Variants in CADM3 observed in about 807,000 individuals in gnomAD.
CADM3 encodes the protein cell adhesion molecule 3.
CADM3 carries 11 observed loss-of-function variants against 44.9 expected under a neutral mutation model. That is an observed-to-expected ratio of 0.25 (90% CI 0.15 to 0.41). The LOEUF (loss-of-function observed/expected upper bound fraction) is 0.41. Among genes scored for constraint, CADM3 ranks in the 10% least tolerant of loss-of-function variants. CADM3 has a pLI of 1.00. For synonymous variants in CADM3, 207 were observed against 205.2 expected, an observed-to-expected ratio of 1.01 and a Z score of -0.08; for missense variants, 426 against 512.0, an observed-to-expected ratio of 0.83 and a Z score of 1.62.
chr1:159,192,179 A>T lies in CADM3; in HGVS notation c.229+103A>T, dbSNP rs1023656342. 7 of 1,265,100 alleles carry T rather than the reference A, an allele frequency of 5.5e-6. No individual in the cohort carries two copies. The African/African-American group carries it at 8.9e-5, about 16-fold the overall frequency. The allele number at this position is 1,265,100 out of a possible 1,614,324, so 78.4% of individuals were successfully genotyped here. A position where few individuals can be genotyped will look rare whatever the true frequency, so the allele number is the denominator to read the frequency against. On this transcript the variant is annotated intron_variant, in intron 2 of 8. Transcript: ENST00000368125. Reference sequence around the variant, plus strand: ...TCCTGTCATCCAGAGGCTGAGAAACATGGTGGTCTGCTGTTTGAGGATGTA... The same window carrying T: ...TCCTGTCATCCAGAGGCTGAGAAACTTGGTGGTCTGCTGTTTGAGGATGTA...
At chr1:159,192,489 C>G in intron 2 of CADM3, 89 bp from the exon 3 acceptor site, 1 of 1,520,566 alleles carries the variant, frequency 6.6e-7, no homozygotes, top group Admixed American at 1.7e-5. Flanking sequence ...TACTAGACCC[C>G]TTCCCCCAAA....
intron 3 of CADM3, 47 bp downstream of exon 3, chr1:159,192,777 A>G (rs1395851554): frequency 7.0e-6 from 11 of 1,582,412 alleles, no homozygotes; most frequent in African/African-American, 2.7e-5. Flanking sequence ...TTCCTTGCAA[A>G]CAAACCTCCC....
intron 1 of CADM3, among the ~76,000 whole-genome samples, chr1:159,176,451 G>C (rs1649019366): frequency 6.6e-6 from 1 of 152,132 alleles, no homozygotes; most frequent in South Asian, 2.1e-4. Flanking sequence ...AAGGACCCTG[G>C]AGAAGCAAGC....
At chr1:159,174,740 C>A (rs1200775685) in intron 1 of CADM3, among the ~76,000 whole-genome samples, 1 of 152,210 alleles carries the variant, frequency 6.6e-6, no homozygotes, top group Non-Finnish European at 1.5e-5. Flanking sequence ...TTCCTTCTCA[C>A]ATTTCCCCAC....
At chr1:159,196,514 C>A in intron 6 of CADM3, 60 bp downstream of exon 6, 2 of 1,325,986 alleles carry the variant, frequency 1.5e-6, no homozygotes, top group Non-Finnish European at 2.2e-6. Flanking sequence ...TTGCCTTCTT[C>A]ACATAACAGC....
chr1:159,197,385 C>G, intron 7 of CADM3: 1 of 231,598 alleles, frequency 4.3e-6, no homozygotes, highest in South Asian at 9.1e-5. Context: ...CAAAGCCTCT[C>G]AAGTGCAGGC....
chr1:159,194,185 AG>A lies in CADM3; in HGVS notation c.691+148del, dbSNP rs962789553. On this transcript the variant is annotated intron_variant, in intron 5 of 8. Coordinates refer to ENST00000368125, the MANE Select transcript of CADM3 (RefSeq NM_001127173.3). ...AAACAAAGACTGCCAGGACTAGGCC[AG>A]GGTTGGCAAACTCTTTACAGAGGGC... The A allele has an allele frequency of 1.8e-4, 156 of 853,008 alleles. 2 individuals carry two copies. The African/African-American group carries it at 2.2e-3, about 12-fold the overall frequency. The allele number at this position is 853,008 out of a possible 1,614,324, so 52.8% of individuals were successfully genotyped here.
chr1:159,186,243 C>T (rs996937693), intron 1 of CADM3, among the ~76,000 whole-genome samples: 22 of 152,142 alleles, frequency 1.4e-4, no homozygotes, highest in East Asian at 7.7e-4. Flanking sequence ...AAATGAAGCT[C>T]GGCATCAGAC....
chr1:159,178,542 G>T (rs1649111728), intron 1 of CADM3: 1 of 152,158 alleles, frequency 6.6e-6, no homozygotes, highest in South Asian at 2.1e-4. Flanking sequence ...GGTTAGGCCT[G>T]GTTAGTACAT....
intron 5 of CADM3, chr1:159,195,984 G>C (rs939709565): frequency 5.9e-6 from 1 of 170,470 alleles, no homozygotes; most frequent in African/African-American, 2.4e-5. Context: ...GAACTGAGAA[G>C]TTGTGAGCTC....
At position 159,187,964 on chromosome 1, in the gene CADM3, C is replaced by G. The variant is rs556279940; in HGVS notation, c.89-3972C>G. Among the ~76,000 whole-genome samples, 3 of 151,906 alleles carry G rather than the reference C, an allele frequency of 2.0e-5. No homozygotes were observed. In the South Asian group the frequency reaches 6.3e-4, roughly 32 times the overall value. On this transcript the variant is annotated intron_variant, in intron 1 of 8. Transcript: ENST00000368125. Reference sequence around the variant, plus strand: ...CTCATCCTGCTTGCCTCTCTTTTATCGACAGTTCCCTTTCCCGCCTTTCCT... The same window carrying G: ...CTCATCCTGCTTGCCTCTCTTTTATGGACAGTTCCCTTTCCCGCCTTTCCT...
At chr1:159,189,899 A>G (rs771433152) in intron 1 of CADM3, 30 of 1,508,798 alleles carry the variant, frequency 2.0e-5, no homozygotes, top group Non-Finnish European at 2.7e-5. Flanking sequence ...CCTCATCTCA[A>G]TGTCCCTCAG....
chr1:159,189,921 A>G (rs776476459), intron 1 of CADM3: 1 of 1,239,898 alleles, frequency 8.1e-7, no homozygotes, highest in Non-Finnish European at 1.2e-6. Flanking sequence ...TCCCTCACTC[A>G]TCCTCACATC....
chr1:159,184,238 T>C (rs1649337439), intron 1 of CADM3, among the ~76,000 whole-genome samples: 4 of 152,176 alleles, frequency 2.6e-5, no homozygotes, highest in African/African-American at 9.7e-5. Flanking sequence ...TGACATAATC[T>C]GGACAAGGAG....
At chr1:159,183,554 G>A (rs1649311511) in intron 1 of CADM3, among the ~76,000 whole-genome samples, 1 of 152,162 alleles carries the variant, frequency 6.6e-6, no homozygotes, top group African/African-American at 2.4e-5. Context: ...GCGTGACTGA[G>A]CTCTGAAGTT....
chr1:159,189,631 C>G (rs1045624297), intron 1 of CADM3: 24 of 648,294 alleles, frequency 3.7e-5, no homozygotes, highest in African/African-American at 3.2e-4. Flanking sequence ...TGGTAAGAAC[C>G]CTACCTTCTC....
intron 1 of CADM3, chr1:159,189,887 C>T: frequency 6.4e-7 from 1 of 1,560,502 alleles, no homozygotes; most frequent in Non-Finnish European, 8.7e-7. Flanking sequence ...GAATCCAGGC[C>T]CCCTCATCTC....
intron 5 of CADM3, 95 bp downstream of exon 5, chr1:159,194,135 C>T (rs1649793678): frequency 7.6e-7 from 1 of 1,310,030 alleles, no homozygotes. Context: ...ACAACACGCA[C>T]AGTTAAGTGA....
At chr1:159,179,110 C>T (rs1557929929) in intron 1 of CADM3, among the ~76,000 whole-genome samples, 1 of 152,164 alleles carries the variant, frequency 6.6e-6, no homozygotes, top group Non-Finnish European at 1.5e-5. Flanking sequence ...TACTCATCTT[C>T]CTAAGCCCCC....
Sources: gnomAD v4.1 joint callset for allele counts (sites outside exome capture counted in the v4.1 genomes callset) on GRCh38, gnomAD v4.1.1 for gene constraint, MANE v1.5 for transcripts, NCBI Gene and HGNC (gene_info 2026-07-23, HGNC 2026-07-21) for gene names.